Variants in SS18 observed in about 807,000 individuals in gnomAD.
The protein encoded by SS18 is protein SSXT.
In SS18, 28 loss-of-function variants were observed where a neutral mutation model predicts 72.5. The observed-to-expected ratio is 0.39, with a 90% CI of 0.29 to 0.53. The LOEUF is 0.53. SS18 is among the 20% of genes least tolerant of loss of function. The probability of loss-of-function intolerance (pLI) is 0.76; values close to 1 mark genes in which losing one functional copy is unlikely to be tolerated. For synonymous variants in SS18, 172 were observed against 164.2 expected, an observed-to-expected ratio of 1.05 and a Z score of -0.37; for missense variants, 518 against 535.3, an observed-to-expected ratio of 0.97 and a Z score of 0.32.
chr18:26,035,254 C>T lies in SS18; in HGVS notation c.974-127G>A. 8.2e-7 allele frequency: 1 copy of T among 1,214,106 alleles called. No individual in the cohort carries two copies. Among genetic ancestry groups the T allele is most frequent in the South Asian group, 1.7e-5 (1 of 59,024 alleles). 75.2% of individuals were successfully genotyped at this position (1,214,106 alleles called of 1,614,324 possible). A position where few individuals can be genotyped will look rare whatever the true frequency, so the allele number is the denominator to read the frequency against. On this transcript the variant is annotated intron_variant, in intron 8 of 10. Transcript: ENST00000415083. The surrounding 1 kb of genome is among the most constrained non-coding windows in gnomAD (Gnocchi z 4.4). ...TGCCATATTGATTTTTAGAAGTTAA[C>T]AAAACAAAGAAAAAACTCAAACCAA...
chr18:26,030,759 T>C (rs1366625013), intron 10 of SS18, among the ~76,000 whole-genome samples: 1 of 151,482 alleles, frequency 6.6e-6, no homozygotes, highest in African/African-American at 2.4e-5. Context: ...CTAAGAATAC[T>C]GAAAATAGAG....
chr18:26,090,680 G>A (rs2054712106), upstream of SS18: 1 of 1,149,826 alleles, frequency 8.7e-7, no homozygotes, highest in Non-Finnish European at 1.2e-6. Flanking sequence ...CGGGGAGGGG[G>A]GATGCTCCGG....
intron 1 of SS18, among the ~76,000 whole-genome samples, chr18:26,088,074 AT>A (rs2054647602): frequency 1.3e-5 from 2 of 152,202 alleles, no homozygotes; most frequent in South Asian, 2.1e-4. Flanking sequence ...CCGCAAAAAA[AT>A]CTTACTTTTA....
intron 3 of SS18, among the ~76,000 whole-genome samples, chr18:26,077,803 GATTAACAA>G (rs2054444040): frequency 6.6e-6 from 1 of 152,102 alleles, no homozygotes; most frequent in Admixed American, 6.6e-5. Flanking sequence ...AAACATTTCA[GATTAACAA>G]ATTACTTGTG....
intron 3 of SS18, among the ~76,000 whole-genome samples, chr18:26,058,306 A>G (rs1412966709): frequency 6.6e-6 from 1 of 152,246 alleles, no homozygotes; most frequent in African/African-American, 2.4e-5. Flanking sequence ...CAGCTGCCTC[A>G]AAAGGATGCC....
chr18:26,054,745 T>C (rs892729324), intron 4 of SS18, among the ~76,000 whole-genome samples: 54 of 148,010 alleles, frequency 3.6e-4, no homozygotes, highest in Non-Finnish European at 5.7e-4. Context: ...CTCTCTCTCT[T>C]TTTTTTTTTT....
chr18:26,045,940 A>G (rs2053812464), intron 5 of SS18, among the ~76,000 whole-genome samples: 1 of 152,140 alleles, frequency 6.6e-6, no homozygotes, highest in Admixed American at 6.5e-5. Flanking sequence ...TACTCCCAGT[A>G]CTTTGGGAGG....
In SS18 at chr18:26,016,363, A is replaced by G. The variant is rs528754665; in HGVS notation, c.*1991T>C. On this transcript the variant is annotated 3_prime_UTR_variant, in exon 11 of 11. Transcript: ENST00000415083. ...AGAACCTACAAGCATTTCAATCACA[A>G]TAAGGCTGTCCATGATTTATCTGTT... 5.4e-6 allele frequency: 1 copy of G among 183,650 alleles called. No individual in the cohort carries two copies. The highest frequency in any genetic ancestry group is 8.9e-5 in the East Asian group (1 of 11,266). The allele number at this position is 183,650 out of a possible 1,614,324, so 11.4% of individuals were successfully genotyped here. A position where few individuals can be genotyped will look rare whatever the true frequency, so the allele number is the denominator to read the frequency against.
chr18:26,065,800 C>CATATATATCTATATATATATAT (rs2054202455), intron 3 of SS18, among the ~76,000 whole-genome samples: 1 of 55,578 alleles, frequency 1.8e-5, no homozygotes, highest in African/African-American at 4.8e-5. Context: ...CCTACAAATC[C>CATATATATCTATATATATATAT]ATATATATAT....
At chr18:26,036,110 T>A (rs909275956) in intron 7 of SS18, among the ~76,000 whole-genome samples, 187 bp from the exon 8 acceptor site, 1 of 152,198 alleles carries the variant, frequency 6.6e-6, no homozygotes, top group Non-Finnish European at 1.5e-5. Context: ...ACGTGCAAAT[T>A]TTTTTAAAAG....
chr18:26,037,536 T>C (rs1331579581), intron 7 of SS18, among the ~76,000 whole-genome samples: 1 of 152,116 alleles, frequency 6.6e-6, no homozygotes, highest in Non-Finnish European at 1.5e-5. Flanking sequence ...TGTCCTTAAG[T>C]ACAAATGTAC....
chr18:26,033,472 A>C (rs2053577429), intron 9 of SS18, among the ~76,000 whole-genome samples: 1 of 151,358 alleles, frequency 6.6e-6, no homozygotes, highest in Non-Finnish European at 1.5e-5. Flanking sequence ...AGATCGCACC[A>C]CTGCACTCCA....
intron 5 of SS18, among the ~76,000 whole-genome samples, chr18:26,044,826 G>A (rs548669805): frequency 5.3e-5 from 8 of 152,064 alleles, no homozygotes; most frequent in Non-Finnish European, 8.8e-5. Flanking sequence ...ATGGACAAGC[G>A]ATTAATCAAA....
chr18:26,034,982 A>T, intron 9 of SS18, 23 bp downstream of exon 9: 1 of 1,596,982 alleles, frequency 6.3e-7, no homozygotes, highest in Non-Finnish European at 8.5e-7. Flanking sequence ...TTGGTGATAA[A>T]AATACACTGT....
At chr18:26,036,378 T>G (rs867882360) in intron 7 of SS18, among the ~76,000 whole-genome samples, 5 of 152,174 alleles carry the variant, frequency 3.3e-5, no homozygotes, top group African/African-American at 4.8e-5. Flanking sequence ...GTTTTTCCCC[T>G]GAAAGAAACT....
chr18:26,058,505 A>C (rs2054065116), intron 3 of SS18, among the ~76,000 whole-genome samples: 1 of 152,172 alleles, frequency 6.6e-6, no homozygotes, highest in Non-Finnish European at 1.5e-5. Context: ...GTAGGAGGAG[A>C]GGGAGGCATT....
intron 10 of SS18, among the ~76,000 whole-genome samples, chr18:26,030,172 C>T (rs1045797346): frequency 6.6e-6 from 1 of 152,176 alleles, no homozygotes; most frequent in African/African-American, 2.4e-5. Flanking sequence ...CCTAATACGG[C>T]TTGTAAGAGC....
At chr18:26,038,477 T>C in intron 7 of SS18, 78 bp downstream of exon 7, 2 of 1,339,000 alleles carry the variant, frequency 1.5e-6, no homozygotes, top group Non-Finnish European at 2.1e-6. Flanking sequence ...TCGTCCTCAC[T>C]GAAATGTTTT....
At chr18:26,027,545 A>G (rs1430823920) in intron 10 of SS18, among the ~76,000 whole-genome samples, 1 of 151,646 alleles carries the variant, frequency 6.6e-6, no homozygotes, top group Admixed American at 6.6e-5. Context: ...GGTAGCGCAC[A>G]CCTGTAGTCC....
Sources: gnomAD v4.1 joint callset for allele counts (sites outside exome capture counted in the v4.1 genomes callset) on GRCh38, gnomAD v4.1.1 for gene constraint, Gnocchi (gnomAD v3.1) non-coding constraint, MANE v1.5 for transcripts, NCBI Gene and HGNC (gene_info 2026-07-23, HGNC 2026-07-21) for gene names.